The following SLIT3 variants were observed in gnomAD, a reference collection of about 807,000 sequenced individuals.
SLIT3 encodes slit homolog 3 protein.
Under a neutral mutation model 184.0 loss-of-function variants are expected in SLIT3, and 68 were observed. The ratio of observed to expected loss-of-function variants is 0.37; its 90% confidence interval spans 0.30 to 0.45. The LOEUF is 0.45. Ranked by LOEUF, SLIT3 falls within the 20% of genes least tolerant of loss-of-function variation. The pLI, the probability that SLIT3 is intolerant of heterozygous loss-of-function variation, is 1.00. For missense variants in SLIT3, 1,707 were observed against 2,026.0 expected, an observed-to-expected ratio of 0.84 and a Z score of 3.02; for synonymous variants, 831 against 828.6, an observed-to-expected ratio of 1.00 and a Z score of -0.05.
intron 20 of SLIT3, among the ~76,000 whole-genome samples, chr5:168,741,364 G>A (rs1367546488): frequency 3.3e-5 from 5 of 151,442 alleles, no homozygotes; most frequent in Non-Finnish European, 5.9e-5. Context: ...CCAGCTACTC[G>A]GGAGGCTGAG....
At chr5:169,055,766 G>A (rs1190766155) in intron 4 of SLIT3, among the ~76,000 whole-genome samples, 1 of 151,842 alleles carries the variant, frequency 6.6e-6, no homozygotes. Context: ...GGGAGGCGGT[G>A]GTTGCAGTGA....
chr5:169,204,690 C>T (rs1581052236), intron 3 of SLIT3, among the ~76,000 whole-genome samples: 1 of 152,220 alleles, frequency 6.6e-6, no homozygotes, highest in African/African-American at 2.4e-5. Flanking sequence ...CGGGGGGTGG[C>T]AGATGTGGTG....
chr5:169,073,277 C>A (rs1758619207), intron 4 of SLIT3, among the ~76,000 whole-genome samples: 1 of 152,140 alleles, frequency 6.6e-6, no homozygotes, highest in African/African-American at 2.4e-5. Flanking sequence ...CAATCCTTAG[C>A]CCCGCAGGAT....
chr5:168,771,055 A>T (rs539279027), intron 14 of SLIT3, among the ~76,000 whole-genome samples: 16 of 152,212 alleles, frequency 1.1e-4, no homozygotes, highest in African/African-American at 3.9e-4. Flanking sequence ...TATGAGACCA[A>T]AGGGTCAAGG....
intron 4 of SLIT3, among the ~76,000 whole-genome samples, chr5:169,107,741 C>T (rs1760269257): frequency 6.6e-6 from 1 of 152,216 alleles, no homozygotes; most frequent in Admixed American, 6.5e-5. Context: ...TGCTCCAGCC[C>T]AATTTGCCTT....
intron 25 of SLIT3, among the ~76,000 whole-genome samples, chr5:168,709,095 C>G (rs72839522): frequency 8.7e-5 from 13 of 149,058 alleles, no homozygotes; most frequent in African/African-American, 3.2e-4. Context: ...GTGTTGTTTT[C>G]TGTTTGTTTT....
intron 4 of SLIT3, among the ~76,000 whole-genome samples, chr5:169,187,858 C>T (rs746871326): frequency 9.2e-5 from 13 of 141,060 alleles, no homozygotes; most frequent in Non-Finnish European, 2.1e-4. Context: ...CCAGCTGCAA[C>T]GATAAATTCT....
At chr5:168,862,975 T>C (rs935683835) in intron 5 of SLIT3, among the ~76,000 whole-genome samples, 2 of 152,178 alleles carry the variant, frequency 1.3e-5, no homozygotes, top group Non-Finnish European at 1.5e-5. Flanking sequence ...GCGCCCAGAC[T>C]GAACATTGGG....
At chr5:168,820,954 C>T (rs547920198) in intron 7 of SLIT3, among the ~76,000 whole-genome samples, 85 of 152,172 alleles carry the variant, frequency 5.6e-4, no homozygotes, top group East Asian at 2.1e-3. Flanking sequence ...CACCAGCCGT[C>T]CCCCCCAACC....
At chr5:168,961,109 C>T (rs1762991013) in intron 4 of SLIT3, among the ~76,000 whole-genome samples, 1 of 152,200 alleles carries the variant, frequency 6.6e-6, no homozygotes, top group African/African-American at 2.4e-5. Flanking sequence ...AAGGCATGGC[C>T]ATTCCTTACC....
intron 6 of SLIT3, among the ~76,000 whole-genome samples, chr5:168,833,496 A>G (rs1223720845): frequency 1.3e-5 from 2 of 152,206 alleles, no homozygotes; most frequent in Non-Finnish European, 2.9e-5. Flanking sequence ...CCAGACTGCC[A>G]TCTGACTGGA....
Position 169,264,694 on chromosome 5 carries a change from C to A in SLIT3, c.198-13235G>T, listed in dbSNP as rs570044033. ...AGAGCAGTGTTTCCCTTTGGGCCAC[C>A]CTTATAGGGCTCCCATCTCATGCTT... On this transcript the variant is annotated intron_variant, in intron 1 of 35. Coordinates refer to ENST00000519560, the MANE Select transcript of SLIT3 (RefSeq NM_003062.4). Among the ~76,000 whole-genome samples the A allele has an allele frequency of 2.0e-5, 3 of 152,296 alleles. No individual in the cohort carries two copies. The East Asian group carries it at 5.8e-4, about 29-fold the overall frequency.
chr5:168,826,800 C>T (rs578028754), intron 6 of SLIT3, among the ~76,000 whole-genome samples: 196 of 152,232 alleles, frequency 1.3e-3, no homozygotes, highest in Middle Eastern at 0.01. Context: ...CTCGCTGTGT[C>T]GCCCAGGCTG....
At chr5:169,170,829 A>G (rs1260424652) in intron 4 of SLIT3, among the ~76,000 whole-genome samples, 2 of 152,326 alleles carry the variant, frequency 1.3e-5, no homozygotes, top group East Asian at 3.9e-4. Context: ...GACAGTTTCA[A>G]AAAAGGGAGA....
At chr5:169,152,351 C>G (rs1438465552) in intron 4 of SLIT3, among the ~76,000 whole-genome samples, 4 of 152,232 alleles carry the variant, frequency 2.6e-5, no homozygotes, top group Non-Finnish European at 4.4e-5. Flanking sequence ...AGGGGAGACT[C>G]GAACCTGCTG....
intron 4 of SLIT3, among the ~76,000 whole-genome samples, chr5:168,923,799 A>G (rs890124656): frequency 1.3e-5 from 2 of 152,254 alleles, no homozygotes; most frequent in Admixed American, 1.3e-4. Flanking sequence ...TACAGGCATG[A>G]GCCATCACGT....
intron 4 of SLIT3, among the ~76,000 whole-genome samples, chr5:169,000,262 T>C (rs1032425469): frequency 5.3e-5 from 8 of 151,698 alleles, no homozygotes; most frequent in Non-Finnish European, 1.2e-4. Context: ...CATGGTGGTG[T>C]GTGCCTGCAG....
At chr5:168,757,444 G>GT (rs1247031597) in intron 16 of SLIT3, among the ~76,000 whole-genome samples, 3 of 152,036 alleles carry the variant, frequency 2.0e-5, no homozygotes, top group Admixed American at 1.3e-4. Flanking sequence ...TATTGTTTTT[G>GT]TTTTTTTGAG....
intron 4 of SLIT3, among the ~76,000 whole-genome samples, chr5:169,156,984 T>G (rs1205487884): frequency 6.6e-6 from 1 of 152,084 alleles, no homozygotes; most frequent in Admixed American, 6.6e-5. Flanking sequence ...ACAGAAAACT[T>G]GAAGACAATA....
Sources: allele counts gnomAD v4.1 joint callset (sites outside exome capture counted in the v4.1 genomes callset), GRCh38; gene constraint gnomAD v4.1.1; transcripts MANE v1.5; gene names NCBI Gene and HGNC (gene_info 2026-07-23, HGNC 2026-07-21).